Variants in DIAPH2 observed in about 807,000 individuals in gnomAD.
DIAPH2 encodes the protein protein diaphanous homolog 2.
In DIAPH2, 35 loss-of-function variants were observed where a neutral mutation model predicts 92.7. That is an observed-to-expected ratio of 0.38 (90% CI 0.29 to 0.50). DIAPH2 has a LOEUF of 0.50. DIAPH2 is among the 20% of genes least tolerant of loss of function. The probability of loss-of-function intolerance (pLI) is 0.94; values close to 1 mark genes in which losing one functional copy is unlikely to be tolerated. For synonymous variants in DIAPH2, 301 were observed against 280.4 expected, an observed-to-expected ratio of 1.07 and a Z score of -0.73; for missense variants, 701 against 819.5, an observed-to-expected ratio of 0.86 and a Z score of 1.77.
intron 23 of DIAPH2, among the ~76,000 whole-genome samples, chrX:97,265,989 A>G (rs1251090421): frequency 8.9e-6 from 1 of 112,181 alleles, no homozygotes; most frequent in Admixed American, 9.5e-5. Context: ...TTGCAAAACT[A>G]ATTTATCACA....
chrX:97,195,380 G>A lies in DIAPH2; in HGVS notation c.2720-52335G>A, dbSNP rs1188319394. On this transcript the variant is annotated intron_variant, in intron 22 of 26. Transcript: ENST00000324765. ...AAATGATTAAAAGTGGATAGATTAGGCCAGGCGCAGTGGCTCATGCCTGTA... is the reference window on the plus strand; with the variant it reads ...AAATGATTAAAAGTGGATAGATTAGACCAGGCGCAGTGGCTCATGCCTGTA... 2.7e-5 allele frequency among the ~76,000 whole-genome samples: 3 copies of A among 111,362 alleles called. No individual in the cohort carries two copies. The East Asian group carries it at 8.4e-4, about 31-fold the overall frequency.
intron 5 of DIAPH2, among the ~76,000 whole-genome samples, chrX:96,888,025 A>G (rs985805077): frequency 1.8e-5 from 2 of 108,639 alleles, no homozygotes; most frequent in Non-Finnish European, 3.8e-5. Context: ...TGTGATGCGT[A>G]GATTTACGTT....
intron 24 of DIAPH2, among the ~76,000 whole-genome samples, chrX:97,371,189 G>T (rs760457929): frequency 2.7e-5 from 3 of 111,147 alleles, no homozygotes; most frequent in Non-Finnish European, 5.7e-5. Flanking sequence ...TTAAATGTAG[G>T]CAAATTAGTC....
At chrX:97,145,802 C>G (rs1020905202) in intron 22 of DIAPH2, among the ~76,000 whole-genome samples, 2 of 110,219 alleles carry the variant, frequency 1.8e-5, no homozygotes, top group African/African-American at 6.6e-5. Context: ...GCTTGCATCC[C>G]TCTTTCATTT....
chrX:97,198,141 T>C (rs912652601), intron 22 of DIAPH2, among the ~76,000 whole-genome samples: 3 of 109,885 alleles, frequency 2.7e-5, no homozygotes, highest in Non-Finnish European at 5.7e-5. Flanking sequence ...GCTCATCTTA[T>C]GGTTAAAAAG....
chrX:97,348,639 T>C (rs973519742), intron 24 of DIAPH2, among the ~76,000 whole-genome samples: 1 of 112,268 alleles, frequency 8.9e-6, no homozygotes, highest in Non-Finnish European at 1.9e-5. Context: ...TTTCACATAA[T>C]AAATTCAAAT....
At chrX:96,829,843 A>G (rs1246608390) in intron 4 of DIAPH2, among the ~76,000 whole-genome samples, 1 of 110,167 alleles carries the variant, frequency 9.1e-6, no homozygotes, top group African/African-American at 3.3e-5. Context: ...TAGTAATAAG[A>G]GAGAGTCAAT....
intron 26 of DIAPH2, among the ~76,000 whole-genome samples, chrX:97,592,755 T>A (rs7052052): frequency 1.8e-5 from 2 of 112,069 alleles, no homozygotes; most frequent in Non-Finnish European, 3.8e-5. Context: ...TCATTACATG[T>A]GCTTAACTCC....
intron 4 of DIAPH2, among the ~76,000 whole-genome samples, chrX:96,833,730 G>A (rs921682707): frequency 2.7e-5 from 3 of 110,120 alleles, no homozygotes; most frequent in Non-Finnish European, 5.7e-5. Flanking sequence ...GCTCAATCTC[G>A]GCTCACGGTA....
At chrX:96,780,481 G>T (rs2147624629) in intron 4 of DIAPH2, among the ~76,000 whole-genome samples, 1 of 111,003 alleles carries the variant, frequency 9.0e-6, no homozygotes, top group African/African-American at 3.3e-5. Flanking sequence ...TTTATTTTTT[G>T]TTTTTTATTT....
intron 21 of DIAPH2, among the ~76,000 whole-genome samples, chrX:97,132,945 G>A (rs758283547): frequency 9.0e-6 from 1 of 110,843 alleles, no homozygotes; most frequent in South Asian, 3.8e-4. Flanking sequence ...AGCACCTGTT[G>A]ATAAGTTTGC....
chrX:97,514,575 G>A (rs2070926275), intron 26 of DIAPH2, among the ~76,000 whole-genome samples: 1 of 111,829 alleles, frequency 8.9e-6, no homozygotes, highest in Admixed American at 9.4e-5. Flanking sequence ...CTTTGGAGGA[G>A]GAGAGGCGCT....
chrX:97,489,470 A>G (rs2070710741), intron 26 of DIAPH2, among the ~76,000 whole-genome samples: 2 of 110,178 alleles, frequency 1.8e-5, no homozygotes, highest in African/African-American at 6.6e-5. Context: ...AGCTTCCAGT[A>G]CTATCTTGAA....
rs746536131 is a variant in DIAPH2 at position 97,334,998 on chromosome X, C to CAAAAAAAAAAAAAA, written c.2845-13113_2845-13100dup. Among the ~76,000 whole-genome samples, 27 of 31,438 alleles carry CAAAAAAAAAAAAAA rather than the reference C, an allele frequency of 8.6e-4. 2 individuals are homozygous for CAAAAAAAAAAAAAA. Among genetic ancestry groups the CAAAAAAAAAAAAAA allele is most frequent in the Middle Eastern group, 0.11 (2 of 19 alleles). 27.3% of individuals were successfully genotyped at this position (31,438 alleles called of 115,157 possible). On this transcript the variant is annotated intron_variant, in intron 23 of 26. Coordinates refer to ENST00000324765, the MANE Select transcript of DIAPH2 (RefSeq NM_006729.5). ...TTCGTCTCAAAAAACAAAAACAAAA[C>CAAAAAAAAAAAAAA]AAAAAAAAAAAAAAAAAAGAGGAAG...
intron 26 of DIAPH2, among the ~76,000 whole-genome samples, chrX:97,577,413 TAGAA>T (rs1351976631): frequency 8.9e-6 from 1 of 112,140 alleles, no homozygotes; most frequent in Non-Finnish European, 1.9e-5. Context: ...ACTCTCCTCT[TAGAA>T]AGGCAATATC....
chrX:97,058,969 A>G (rs750999566), intron 17 of DIAPH2, among the ~76,000 whole-genome samples: 1 of 112,018 alleles, frequency 8.9e-6, no homozygotes, highest in African/African-American at 3.2e-5. Context: ...TGAAGAATGT[A>G]GTGGTAATTA....
In DIAPH2 at chrX:97,600,507, A is replaced by ATATT. The variant is rs1270036679; in HGVS notation, c.*1191_*1194dup. 1 of 112,239 alleles carries ATATT rather than the reference A, an allele frequency of 8.9e-6. No individual in the cohort carries two copies. Among genetic ancestry groups the ATATT allele is most frequent in the Non-Finnish European group, 1.9e-5 (1 of 53,179 alleles). The allele number at this position is 112,239 out of a possible 1,213,427, so 9.2% of individuals were successfully genotyped here. On this transcript the variant is annotated 3_prime_UTR_variant, in exon 27 of 27. Coordinates refer to ENST00000324765, the MANE Select transcript of DIAPH2 (RefSeq NM_006729.5). Reference sequence around the variant, plus strand: ...AATTATCATCATACTTACTTACCTTATATTAACAAATTAAGATGATGCTGC... The same window carrying ATATT: ...AATTATCATCATACTTACTTACCTTATATTTATTAACAAATTAAGATGATGCTGC...
At chrX:96,814,711 G>T (rs1260691576) in intron 4 of DIAPH2, among the ~76,000 whole-genome samples, 1 of 111,774 alleles carries the variant, frequency 8.9e-6, no homozygotes, top group African/African-American at 3.3e-5. Context: ...ATGGGGTTTT[G>T]GTGTGGATAT....
intron 24 of DIAPH2, among the ~76,000 whole-genome samples, chrX:97,358,750 A>AAAT (rs1387541517): frequency 9.0e-6 from 1 of 111,291 alleles, no homozygotes; most frequent in Non-Finnish European, 1.9e-5. Context: ...TAGAAAATAT[A>AAAT]AATACCAAAA....
Sources: gnomAD v4.1 joint callset for allele counts (sites outside exome capture counted in the v4.1 genomes callset) on GRCh38, gnomAD v4.1.1 for gene constraint, MANE v1.5 for transcripts, NCBI Gene and HGNC (gene_info 2026-07-23, HGNC 2026-07-21) for gene names.